Variants in GRM7 observed in about 807,000 individuals in gnomAD.
GRM7 encodes metabotropic glutamate receptor 7.
In GRM7, 35 loss-of-function variants were observed where a neutral mutation model predicts 84.5. That is an observed-to-expected ratio of 0.41 (90% CI 0.32 to 0.55). The LOEUF (loss-of-function observed/expected upper bound fraction) is 0.55. GRM7 is among the 20% of genes least tolerant of loss of function. The pLI is 0.19. For synonymous variants in GRM7, 487 were observed against 455.1 expected, an observed-to-expected ratio of 1.07 and a Z score of -0.89; for missense variants, 1,003 against 1,194.6, an observed-to-expected ratio of 0.84 and a Z score of 2.36.
intron 2 of GRM7, among the ~76,000 whole-genome samples, chr3:7,225,053 A>G (rs1368618489): frequency 6.6e-6 from 1 of 152,142 alleles, no homozygotes; most frequent in Non-Finnish European, 1.5e-5. Flanking sequence ...GCAGCATAAT[A>G]TACTAAACTA....
At chr3:7,063,749 T>A (rs149655639) in intron 1 of GRM7, among the ~76,000 whole-genome samples, 1 of 151,652 alleles carries the variant, frequency 6.6e-6, no homozygotes, top group Admixed American at 6.6e-5. Flanking sequence ...CCTATTCCAA[T>A]GGAGTGTTGT....
intron 1 of GRM7, among the ~76,000 whole-genome samples, chr3:7,058,844 G>T (rs1697326774): frequency 6.6e-6 from 1 of 151,886 alleles, no homozygotes; most frequent in Non-Finnish European, 1.5e-5. Context: ...TTCTAAAAGA[G>T]GCAAAGGCAG....
chr3:7,701,911 C>G (rs1268062657), intron 9 of GRM7, among the ~76,000 whole-genome samples: 1 of 152,092 alleles, frequency 6.6e-6, no homozygotes, highest in Non-Finnish European at 1.5e-5. Flanking sequence ...CGTCACCAAG[C>G]CTATGGTAGA....
chr3:7,287,083 A>G lies in GRM7; in HGVS notation c.737-11601A>G, dbSNP rs575456507. Among the ~76,000 whole-genome samples the G allele has an allele frequency of 1.3e-4, 20 of 152,282 alleles. No individual in the cohort carries two copies. The East Asian group carries it at 2.7e-3, about 21-fold the overall frequency. On this transcript the variant is annotated intron_variant, in intron 2 of 9. Transcript: ENST00000357716. ...TCCCCTTCCACCCCCAAAAACTGGC[A>G]TGGTTGATCCCATAGATAGAGATAA...
At chr3:7,563,086 A>T (rs1296743114) in intron 7 of GRM7, among the ~76,000 whole-genome samples, 2 of 152,192 alleles carry the variant, frequency 1.3e-5, no homozygotes, top group Non-Finnish European at 2.9e-5. Context: ...GGCAGAGAGC[A>T]TGACTCACCC....
chr3:7,018,694 A>T (rs781755155), intron 1 of GRM7, among the ~76,000 whole-genome samples: 2 of 152,254 alleles, frequency 1.3e-5, no homozygotes, highest in Non-Finnish European at 2.9e-5. Flanking sequence ...TTGCTGCTGC[A>T]GCAGTGGCTG....
At chr3:7,081,078 G>A (rs986299744) in intron 1 of GRM7, among the ~76,000 whole-genome samples, 28 of 151,820 alleles carry the variant, frequency 1.8e-4, no homozygotes, top group African/African-American at 2.9e-4. Flanking sequence ...GTCTCCCCTC[G>A]TTGTCTCCAT....
At chr3:7,426,093 A>ACATTCTTT (rs1553592413) in intron 5 of GRM7, among the ~76,000 whole-genome samples, 82 of 85,730 alleles carry the variant, frequency 9.6e-4, no homozygotes, top group African/African-American at 4.6e-3. Flanking sequence ...GCCATATCAT[A>ACATTCTTT]CGTTCTTTCT....
At chr3:7,376,715 G>A (rs1279034413) in intron 4 of GRM7, among the ~76,000 whole-genome samples, 1 of 152,152 alleles carries the variant, frequency 6.6e-6, no homozygotes, top group Non-Finnish European at 1.5e-5. Flanking sequence ...TTGTACAAGA[G>A]ACCGTGTGGC....
intron 8 of GRM7, among the ~76,000 whole-genome samples, chr3:7,656,524 T>C (rs192499564): frequency 4.5e-5 from 3 of 67,210 alleles, no homozygotes; most frequent in African/African-American, 1.7e-4. Flanking sequence ...TAAAAAAAAA[T>C]ATATATATAT....
chr3:7,545,551 GT>G (rs935986095), intron 7 of GRM7, among the ~76,000 whole-genome samples: 1 of 152,152 alleles, frequency 6.6e-6, no homozygotes, highest in African/African-American at 2.4e-5. Context: ...TATTCAGCTT[GT>G]TTTTTAACCA....
intron 2 of GRM7, among the ~76,000 whole-genome samples, chr3:7,216,316 A>G (rs1354768189): frequency 6.6e-6 from 1 of 152,190 alleles, no homozygotes; most frequent in Non-Finnish European, 1.5e-5. Context: ...AATTATATAA[A>G]CAATGAGAGG....
chr3:7,237,141 G>T (rs1212422841), intron 2 of GRM7, among the ~76,000 whole-genome samples: 1 of 152,140 alleles, frequency 6.6e-6, no homozygotes, highest in Non-Finnish European at 1.5e-5. Context: ...AGAGGTGCCT[G>T]CCAGCAAGTC....
chr3:7,246,322 T>G (rs1697758495), intron 2 of GRM7, among the ~76,000 whole-genome samples: 1 of 152,006 alleles, frequency 6.6e-6, no homozygotes, highest in Non-Finnish European at 1.5e-5. Context: ...TGGGGAGCCT[T>G]AAATTTAGGC....
At chr3:7,096,709 A>G (rs776168883) in intron 1 of GRM7, among the ~76,000 whole-genome samples, 1 of 152,096 alleles carries the variant, frequency 6.6e-6, no homozygotes, top group Non-Finnish European at 1.5e-5. Context: ...CCAATGCTCT[A>G]TTCACGGTTG....
At chr3:7,532,142 T>G (rs991765656) in intron 7 of GRM7, among the ~76,000 whole-genome samples, 1 of 152,160 alleles carries the variant, frequency 6.6e-6, no homozygotes, top group African/African-American at 2.4e-5. Flanking sequence ...ATAAAATGAG[T>G]TAGGGAGGAG....
At chr3:7,027,808 A>G (rs991973505) in intron 1 of GRM7, among the ~76,000 whole-genome samples, 3 of 152,050 alleles carry the variant, frequency 2.0e-5, no homozygotes, top group Admixed American at 6.6e-5. Context: ...TTTCTTGATC[A>G]TGCCAAGTTT....
chr3:6,941,180 C>T (rs1400738820), intron 1 of GRM7, among the ~76,000 whole-genome samples: 1 of 152,156 alleles, frequency 6.6e-6, no homozygotes, highest in South Asian at 2.1e-4. Context: ...ATCTTATGTG[C>T]CACTTACACA....
At chr3:7,316,985 A>G (rs909939669) in intron 4 of GRM7, among the ~76,000 whole-genome samples, 1 of 152,190 alleles carries the variant, frequency 6.6e-6, no homozygotes, top group Admixed American at 6.5e-5. Flanking sequence ...CCAGTGAGGA[A>G]GAACAAAAAT....
Sources: allele counts gnomAD v4.1 joint callset (sites outside exome capture counted in the v4.1 genomes callset), GRCh38; gene constraint gnomAD v4.1.1; transcripts MANE v1.5; gene names NCBI Gene and HGNC (gene_info 2026-07-23, HGNC 2026-07-21).